The following JPH2 variants were observed in gnomAD, a reference collection of about 807,000 sequenced individuals.
The protein encoded by JPH2 is junctophilin-2.
Under a neutral mutation model 55.9 loss-of-function variants are expected in JPH2, and 38 were observed. That is an observed-to-expected ratio of 0.68 (90% CI 0.52 to 0.89). The LOEUF (loss-of-function observed/expected upper bound fraction) is 0.89. JPH2 is among the 40% of genes least tolerant of loss of function. The pLI is 0.00. For synonymous variants in JPH2, 480 were observed against 472.4 expected, an observed-to-expected ratio of 1.02 and a Z score of -0.21; for missense variants, 964 against 1,037.6, an observed-to-expected ratio of 0.93 and a Z score of 0.97.
In JPH2 at chr20:44,125,409, C is replaced by T. The variant is rs74464525; in HGVS notation, c.1170-6786G>A. Among the ~76,000 whole-genome samples, 1,141 of 152,294 alleles carry T rather than the reference C, an allele frequency of 7.5e-3. 21 individuals carry two copies. Among genetic ancestry groups the T allele is most frequent in the African/African-American group, 0.026 (1,081 of 41,566 alleles). ...GTTGAGCACTGTGTGACCAGCCTTA[C>T]GCCATGGCCTCCTGTGTAAACACAT... On this transcript the variant is annotated intron_variant, in intron 2 of 5. Transcript: ENST00000372980.
chr20:44,140,169 C>A (rs544032146), intron 2 of JPH2, among the ~76,000 whole-genome samples: 1 of 152,278 alleles, frequency 6.6e-6, no homozygotes, highest in South Asian at 2.1e-4. Flanking sequence ...CTGCGCCTGG[C>A]CGAGATTTTA....
intron 2 of JPH2, among the ~76,000 whole-genome samples, chr20:44,148,945 T>C (rs559670174): frequency 6.6e-6 from 1 of 151,906 alleles, no homozygotes; most frequent in East Asian, 1.9e-4. Flanking sequence ...TGAGCGCCCA[T>C]AGTCCCAGCT....
At chr20:44,180,286 C>T (rs1485620633) in intron 1 of JPH2, among the ~76,000 whole-genome samples, 1 of 151,996 alleles carries the variant, frequency 6.6e-6, no homozygotes, top group Non-Finnish European at 1.5e-5. Context: ...GTGCCTGGGA[C>T]TTAGTAAGCA....
At chr20:44,137,915 C>T (rs2072425849) in intron 2 of JPH2, among the ~76,000 whole-genome samples, 3 of 152,120 alleles carry the variant, frequency 2.0e-5, no homozygotes, top group African/African-American at 7.2e-5. Context: ...ATGCTTTCTA[C>T]TGGCAGGACC....
intron 2 of JPH2, among the ~76,000 whole-genome samples, chr20:44,143,054 A>T (rs751771491): frequency 1.4e-4 from 21 of 152,330 alleles, no homozygotes; most frequent in South Asian, 4.1e-4. Context: ...GTGAAGCCAG[A>T]TGAAAAGAGC....
intron 2 of JPH2, among the ~76,000 whole-genome samples, chr20:44,133,595 G>T (rs920287258): frequency 4.0e-5 from 6 of 151,870 alleles, no homozygotes; most frequent in Admixed American, 1.3e-4. Flanking sequence ...CTGACTGGAG[G>T]CCCCAGCAAG....
intron 2 of JPH2, among the ~76,000 whole-genome samples, chr20:44,142,781 A>G (rs2072467051): frequency 1.3e-5 from 2 of 152,234 alleles, no homozygotes; most frequent in Admixed American, 1.3e-4. Context: ...GGCACAGAGC[A>G]GGCTCTCAAT....
intron 2 of JPH2, among the ~76,000 whole-genome samples, chr20:44,138,336 G>A (rs1012051506): frequency 4.1e-5 from 5 of 121,770 alleles, no homozygotes; most frequent in African/African-American, 5.8e-5. Flanking sequence ...TCTCTTACAC[G>A]CTGTTTTTTA....
intron 1 of JPH2, among the ~76,000 whole-genome samples, chr20:44,185,626 A>G (rs2145904718): frequency 7.1e-6 from 1 of 141,386 alleles, no homozygotes; most frequent in South Asian, 2.6e-4. Context: ...CAGAACGAGA[A>G]CTTGTCTTGG....
At chr20:44,135,870 G>C (rs1282699266) in intron 2 of JPH2, among the ~76,000 whole-genome samples, 2 of 152,228 alleles carry the variant, frequency 1.3e-5, no homozygotes, top group African/African-American at 4.8e-5. Flanking sequence ...TTGAGAGTTA[G>C]TCATTGTGAT....
intron 2 of JPH2, among the ~76,000 whole-genome samples, chr20:44,140,146 C>T (rs887392799): frequency 6.6e-6 from 1 of 152,204 alleles, no homozygotes; most frequent in Non-Finnish European, 1.5e-5. Flanking sequence ...GCTAGGATTA[C>T]AGGCATGAGC....
chr20:44,155,695 C>T (rs2072560721), intron 2 of JPH2, among the ~76,000 whole-genome samples: 1 of 152,128 alleles, frequency 6.6e-6, no homozygotes, highest in Admixed American at 6.6e-5. Flanking sequence ...ACATATCAGA[C>T]AAACCCAAAT....
rs777107778 is a variant in JPH2, at chr20:44,114,770, A to G, written c.*14+12T>C. On this transcript the variant is annotated intron_variant, in intron 5 of 5. Transcript: ENST00000372980. ...CTGCCCCCCAACCCCTCCTCCAGCC[A>G]GCTGGCTGCACCTGGTAAGCGACGG... 1 of 1,579,166 alleles carries G rather than the reference A, an allele frequency of 6.3e-7. No homozygotes were observed. The highest frequency in any genetic ancestry group is 1.2e-5 in the South Asian group (1 of 86,574).
intron 2 of JPH2, among the ~76,000 whole-genome samples, chr20:44,157,146 A>T (rs2072571535): frequency 6.6e-6 from 1 of 151,998 alleles, no homozygotes; most frequent in South Asian, 2.1e-4. Context: ...TGTAGTGGTG[A>T]CTCTGATGGG....
Position 44,115,889 on chromosome 20 carries a change from G to C in JPH2, c.1786C>G (p.Pro596Ala), listed in dbSNP as rs768802469. The C allele has an allele frequency of 1.9e-6, 3 of 1,579,118 alleles. No homozygotes were observed. Among genetic ancestry groups the C allele is most frequent in the Non-Finnish European group, 1.7e-6 (2 of 1,168,840 alleles). ...EPEVSGSESA[P>A]SSPATAPLQA... ...AGCGGGGCGGTGGCCGGGGACGAGGGCGCGGACTCGGACCCGGAGACCTCG... is the reference window on the plus strand; with the variant it reads ...AGCGGGGCGGTGGCCGGGGACGAGGCCGCGGACTCGGACCCGGAGACCTCG... Residue 596 changes from proline to alanine, a missense_variant, in exon 4 of 6, where the codon CCC (proline) becomes GCC (alanine). Transcript: ENST00000372980.
In JPH2 at chr20:44,160,548, A is replaced by G. The variant is rs7360117; in HGVS notation, c.380-141T>C. On this transcript the variant is annotated intron_variant, in intron 1 of 5. Transcript: ENST00000372980. The surrounding 1 kb of genome is among the most constrained non-coding windows in gnomAD (Gnocchi z 4.9). ...AGGCCGTCTGAGGGTCAGGGTGCACAGTGCTATGAGTGTTTGAGTCTACTC... is the reference window on the plus strand; with the variant it reads ...AGGCCGTCTGAGGGTCAGGGTGCACGGTGCTATGAGTGTTTGAGTCTACTC... 1,091 of 810,730 alleles carry G rather than the reference A, an allele frequency of 1.3e-3. 10 individuals carry two copies. In the African/African-American group the frequency reaches 0.016, roughly 12 times the overall value. The allele number at this position is 810,730 out of a possible 1,614,324, so 50.2% of individuals were successfully genotyped here. A position where few individuals can be genotyped will look rare whatever the true frequency, so the allele number is the denominator to read the frequency against.
intron 1 of JPH2, among the ~76,000 whole-genome samples, chr20:44,172,585 T>C (rs2072706456): frequency 6.6e-6 from 1 of 152,180 alleles, no homozygotes; most frequent in Non-Finnish European, 1.5e-5. Context: ...CTCAACCTCC[T>C]GGGCTAAAGT....
chr20:44,134,663 T>A (rs865888432), intron 2 of JPH2, among the ~76,000 whole-genome samples: 1 of 27,708 alleles, frequency 3.6e-5, no homozygotes, highest in Non-Finnish European at 5.9e-5. Flanking sequence ...TATAAATATA[T>A]ATAAATATAT....
At chr20:44,176,318 CTTTT>C (rs58088590) in intron 1 of JPH2, among the ~76,000 whole-genome samples, 1 of 113,650 alleles carries the variant, frequency 8.8e-6, no homozygotes, top group African/African-American at 3.3e-5. Context: ...TCCTATCTGT[CTTTT>C]TTTTTTTTTT....
Sources: gnomAD v4.1 joint callset for allele counts (sites outside exome capture counted in the v4.1 genomes callset) on GRCh38, gnomAD v4.1.1 for gene constraint, Gnocchi (gnomAD v3.1) non-coding constraint, MANE v1.5 for transcripts, NCBI Gene and HGNC (gene_info 2026-07-23, HGNC 2026-07-21) for gene names.